Variants in GPC5 observed in about 807,000 individuals in gnomAD.
The protein encoded by GPC5 is glypican 5, also known as glypican-5.
GPC5 carries 47 observed loss-of-function variants against 53.9 expected under a neutral mutation model. That is an observed-to-expected ratio of 0.87 (90% CI 0.69 to 1.11). The LOEUF (loss-of-function observed/expected upper bound fraction) is 1.11. Ranked by LOEUF, GPC5 falls within the 50% of genes most tolerant of loss-of-function variation. The pLI, the probability that GPC5 is intolerant of heterozygous loss-of-function variation, is 0.00. For missense variants in GPC5, 748 were observed against 713.1 expected (o/e 1.05, Z -0.56); for synonymous variants, 286 against 263.3 (o/e 1.09, Z -0.84).
chr13:91,738,373 T>C lies in GPC5; in HGVS notation c.1154+9708T>C, dbSNP rs1365785251. Among the ~76,000 whole-genome samples the C allele has an allele frequency of 1.3e-5, 2 of 151,366 alleles. 1 individual carries two copies. Among genetic ancestry groups the C allele is most frequent in the Admixed American group, 1.3e-4 (2 of 15,228 alleles). ...GGGTGTTGTGTCCTATGCACATGGT[T>C]ATGCCTCACCATAACCGTGGTTGAC... is the stretch of plus-strand genomic sequence containing the variant. On this transcript the variant is annotated intron_variant, in intron 4 of 7. Transcript: ENST00000377067.
chr13:91,523,767 C>T (rs1885949960), intron 2 of GPC5, among the ~76,000 whole-genome samples: 1 of 152,168 alleles, frequency 6.6e-6, no homozygotes, highest in Non-Finnish European at 1.5e-5. Context: ...GTGATGGATA[C>T]ATTAATTAGC....
chr13:92,436,104 T>A (rs1377740630), intron 7 of GPC5, among the ~76,000 whole-genome samples: 8 of 152,192 alleles, frequency 5.3e-5, no homozygotes, highest in Non-Finnish European at 2.9e-5. Flanking sequence ...TACCATCTAG[T>A]CAAATAAGAC....
chr13:92,727,056 G>A (rs1888668583), intron 7 of GPC5, among the ~76,000 whole-genome samples: 1 of 151,304 alleles, frequency 6.6e-6, no homozygotes, highest in African/African-American at 2.4e-5. Flanking sequence ...TTTTATCATA[G>A]CAGTAAACAA....
At chr13:91,589,391 C>G (rs2032715728) in intron 2 of GPC5, among the ~76,000 whole-genome samples, 1 of 151,954 alleles carries the variant, frequency 6.6e-6, no homozygotes, top group Non-Finnish European at 1.5e-5. Context: ...CTATCTGCAA[C>G]TACAAACTCA....
chr13:91,415,752 G>A (rs1298285561), intron 1 of GPC5, among the ~76,000 whole-genome samples: 1 of 146,390 alleles, frequency 6.8e-6, no homozygotes, highest in African/African-American at 2.5e-5. Flanking sequence ...GGGGTGGGGG[G>A]GGTGGGGGCT....
intron 7 of GPC5, among the ~76,000 whole-genome samples, chr13:92,442,627 T>C (rs1395881796): frequency 6.6e-6 from 1 of 152,154 alleles, no homozygotes; most frequent in Non-Finnish European, 1.5e-5. Flanking sequence ...AAAAGTAATA[T>C]TGGAATCCTT....
rs115995590 is a variant in GPC5 at position 92,165,495 on chromosome 13, C to T, written c.1561+20506C>T. Among the ~76,000 whole-genome samples the T allele has an allele frequency of 8.5e-3, 1,298 of 152,234 alleles. 14 individuals carry two copies. Among genetic ancestry groups the T allele is most frequent in the African/African-American group, 0.03 (1,253 of 41,522 alleles). On this transcript the variant is annotated intron_variant, in intron 7 of 7. Coordinates refer to ENST00000377067, the MANE Select transcript of GPC5 (RefSeq NM_004466.6). Reference sequence around the variant, plus strand: ...CTTACAATCATGGCAGAAGGCACTTCTTCACAGGGTGACAGGAGAGAGAAT... The same window carrying T: ...CTTACAATCATGGCAGAAGGCACTTTTTCACAGGGTGACAGGAGAGAGAAT...
At chr13:91,591,030 A>T (rs1328758354) in intron 2 of GPC5, among the ~76,000 whole-genome samples, 1 of 152,170 alleles carries the variant, frequency 6.6e-6, no homozygotes, top group African/African-American at 2.4e-5. Context: ...CAAGGTTGTA[A>T]GGAGCATTGT....
rs140698826 is a variant in GPC5 at position 91,416,190 on chromosome 13, A to G, written c.163+16981A>G. ...ATAGGGCTGCCCATTCCCACCCAAAATGTAGAAACATATAAATTTATGAGT... is the reference window on the plus strand; with the variant it reads ...ATAGGGCTGCCCATTCCCACCCAAAGTGTAGAAACATATAAATTTATGAGT... On this transcript the variant is annotated intron_variant, in intron 1 of 7. Coordinates refer to ENST00000377067, the MANE Select transcript of GPC5 (RefSeq NM_004466.6). Among the ~76,000 whole-genome samples the G allele has an allele frequency of 6.2e-4, 95 of 152,278 alleles. 1 individual carries two copies. The South Asian group carries it at 9.3e-3, about 15-fold the overall frequency.
intron 7 of GPC5, among the ~76,000 whole-genome samples, chr13:92,582,161 T>C (rs1354228467): frequency 1.3e-5 from 2 of 152,100 alleles, no homozygotes; most frequent in African/African-American, 4.8e-5. Flanking sequence ...TTTCTTCTAG[T>C]AGTTTTATAG....
intron 7 of GPC5, among the ~76,000 whole-genome samples, chr13:92,745,161 G>A (rs917979707): frequency 1.3e-5 from 2 of 151,718 alleles, no homozygotes; most frequent in African/African-American, 4.8e-5. Flanking sequence ...TATATACATG[G>A]GAAAATTTGT....
intron 6 of GPC5, among the ~76,000 whole-genome samples, chr13:92,140,233 C>A (rs551103338): frequency 3.5e-4 from 53 of 152,262 alleles, no homozygotes; most frequent in African/African-American, 1.1e-3. Context: ...TAAAGTCATA[C>A]AATTTCTGGA....
intron 4 of GPC5, among the ~76,000 whole-genome samples, chr13:91,746,159 T>C: frequency 6.6e-6 from 1 of 152,206 alleles, no homozygotes; most frequent in Non-Finnish European, 1.5e-5. Flanking sequence ...TTGACAGCTG[T>C]GGTCAGACAT....
At chr13:91,551,848 CAT>C (rs1248064081) in intron 2 of GPC5, among the ~76,000 whole-genome samples, 6 of 152,058 alleles carry the variant, frequency 3.9e-5, no homozygotes, top group South Asian at 4.1e-4. Context: ...TTTGGGGTAA[CAT>C]ATAGATTTTT....
chr13:91,992,602 C>T (rs113441330), intron 6 of GPC5, among the ~76,000 whole-genome samples: 5,636 of 151,902 alleles, frequency 0.037, 149 homozygotes, highest in Middle Eastern at 0.061. Flanking sequence ...GGACTGCAGG[C>T]GTCAGCCACC....
intron 2 of GPC5, among the ~76,000 whole-genome samples, chr13:91,625,330 G>A (rs2033970954): frequency 6.6e-6 from 1 of 151,992 alleles, no homozygotes; most frequent in African/African-American, 2.4e-5. Flanking sequence ...AGATGTTAAA[G>A]AAAAGCTAGA....
chr13:91,961,146 A>T (rs1268375060), intron 6 of GPC5, among the ~76,000 whole-genome samples: 1 of 152,014 alleles, frequency 6.6e-6, no homozygotes, highest in Non-Finnish European at 1.5e-5. Context: ...CCAACTATTG[A>T]TCTGACAAGT....
At chr13:92,538,440 C>A (rs1881797860) in intron 7 of GPC5, among the ~76,000 whole-genome samples, 1 of 150,386 alleles carries the variant, frequency 6.6e-6, no homozygotes, top group Non-Finnish European at 1.5e-5. Flanking sequence ...TTTCCCATTT[C>A]TTTTTTCTTT....
At chr13:92,101,160 G>A (rs2041463643) in intron 6 of GPC5, among the ~76,000 whole-genome samples, 1 of 152,070 alleles carries the variant, frequency 6.6e-6, no homozygotes, top group Non-Finnish European at 1.5e-5. Flanking sequence ...AGAAACATAT[G>A]AATTAACGAA....
Sources: allele counts gnomAD v4.1 joint callset (sites outside exome capture counted in the v4.1 genomes callset), GRCh38; gene constraint gnomAD v4.1.1; transcripts MANE v1.5; gene names NCBI Gene and HGNC (gene_info 2026-07-23, HGNC 2026-07-21).